Variants in BID observed in about 807,000 individuals in gnomAD.
BID encodes the protein BH3 interacting domain death agonist.
Under a neutral mutation model 17.4 loss-of-function variants are expected in BID, and 19 were observed. The observed-to-expected ratio is 1.09, with a 90% confidence interval of 0.76 to 1.60. The LOEUF is 1.60. Ranked by LOEUF, BID falls within the 40% of genes most tolerant of loss-of-function variation. The probability of loss-of-function intolerance (pLI) is 0.00; values close to 1 mark genes in which losing one functional copy is unlikely to be tolerated. For missense variants in BID, 226 were observed against 256.0 expected (o/e 0.88, Z 0.80); for synonymous variants, 108 against 102.8 (o/e 1.05, Z -0.31).
chr22:17,767,146 C>A (rs1343744941), intron 1 of BID, among the ~76,000 whole-genome samples: 3 of 151,656 alleles, frequency 2.0e-5, no homozygotes, highest in Non-Finnish European at 4.4e-5. Context: ...ATCTCTTGAA[C>A]CCAGGAGGCA....
Position 17,734,540 on chromosome 22 carries a change from C to CTTA in BID, c.*1037_*1039dup, listed in dbSNP as rs928770464. The CTTA allele has an allele frequency of 6.6e-6, 1 of 152,188 alleles. No individual in the cohort carries two copies. The highest frequency in any genetic ancestry group is 2.4e-5 in the African/African-American group (1 of 41,434). The allele number at this position is 152,188 out of a possible 1,614,324, so 9.4% of individuals were successfully genotyped here. ...CACTGTTTCTAAAGCTAAGCTTTTCCTTATTTATTTTGGTACTACCTAAGT... is the reference window on the plus strand; with the variant it reads ...CACTGTTTCTAAAGCTAAGCTTTTCCTTATTATTTATTTTGGTACTACCTAAGT... On this transcript the variant is annotated 3_prime_UTR_variant, in exon 6 of 6. Transcript: ENST00000622694.
intron 1 of BID, among the ~76,000 whole-genome samples, chr22:17,756,399 T>TTTCC (rs2061583678): frequency 3.3e-5 from 1 of 30,020 alleles, no homozygotes; most frequent in Non-Finnish European, 7.7e-5. Flanking sequence ...TCTTTCTTTC[T>TTTCC]TTTCTTTTTT....
chr22:17,743,969 T>G lies in BID; in HGVS notation c.57A>C (p.Leu19=), dbSNP rs778365897. The G allele has an allele frequency of 6.2e-7, 1 of 1,613,838 alleles. No homozygotes were observed. The highest frequency in any genetic ancestry group is 2.2e-5 in the East Asian group (1 of 44,882). ...AGCTTTGGAGGAAGCCAAACACCAG[T>G]AGGTTTGTGATGCACTCATCCCTGA... The part of the protein sequence containing the change: ...SSLRDECITN[L]LVFGFLQSCS... The change falls in exon 3 of 6, where the codon CTA becomes CTC. Residue 19 remains leucine (L), a synonymous_variant. Coordinates refer to ENST00000622694, the MANE Select transcript of BID (RefSeq NM_001196.4).
Position 17,769,512 on chromosome 22 carries a change from G to A in BID, c.-59+4869C>T, listed in dbSNP as rs755139002. On this transcript the variant is annotated intron_variant, in intron 1 of 5. Coordinates refer to ENST00000622694, the MANE Select transcript of BID (RefSeq NM_001196.4). This position sits in a 1 kb window ranked among gnomAD's most constrained non-coding sequence, Gnocchi z 4.8. ...AAACAGGAACGGACGTGGCCATCAG[G>A]CCGGAAGGGTGTGTGGGCCACAGAG... Among the ~76,000 whole-genome samples the A allele has an allele frequency of 7.2e-5, 11 of 152,236 alleles. No individual in the cohort carries two copies. Among genetic ancestry groups the A allele is most frequent in the Admixed American group, 2.0e-4 (3 of 15,282 alleles).
At chr22:17,763,923 AAGC>A (rs912449290) in intron 1 of BID, among the ~76,000 whole-genome samples, 14 of 152,114 alleles carry the variant, frequency 9.2e-5, no homozygotes, top group African/African-American at 2.9e-4. Context: ...AAAAAATCAA[AAGC>A]AGACATGTTT....
At chr22:17,763,624 CAT>C (rs200746449) in intron 1 of BID, among the ~76,000 whole-genome samples, 1,967 of 152,140 alleles carry the variant, frequency 0.013, 40 homozygotes, top group African/African-American at 0.045. Flanking sequence ...TCTCCAGACA[CAT>C]GTTTAGCAGA....
chr22:17,736,873 G>A (rs1416044681), intron 5 of BID, among the ~76,000 whole-genome samples: 3 of 151,790 alleles, frequency 2.0e-5, no homozygotes, highest in South Asian at 4.2e-4. Context: ...GCGTGATTGC[G>A]GCTCACTGCA....
intron 1 of BID, chr22:17,774,001 G>A: frequency 2.1e-6 from 1 of 475,676 alleles, no homozygotes. Context: ...ACCCGGCCAG[G>A]CCCGCGGGTT....
rs55838099 is a variant in BID, at chr22:17,769,042, AAAATAAATAAATAAAT to A, written c.-59+5323_-59+5338del. The stretch of plus-strand genomic sequence containing the variant: ...GGGCGACAGAGTGAGACTCGTCTCA[AAAATAAATAAATAAAT>A]AAATAAATAAATAAATAATAACTAA... On this transcript the variant is annotated intron_variant, in intron 1 of 5. Transcript: ENST00000622694. This position sits in a 1 kb window ranked among gnomAD's most constrained non-coding sequence, Gnocchi z 4.8. 3.4e-5 allele frequency among the ~76,000 whole-genome samples: 5 copies of A among 148,780 alleles called. No individual in the cohort carries two copies. The East Asian group carries it at 5.9e-4, about 18-fold the overall frequency.
chr22:17,737,574 G>A (rs1207925612), intron 5 of BID, among the ~76,000 whole-genome samples: 1 of 152,148 alleles, frequency 6.6e-6, no homozygotes, highest in Admixed American at 6.5e-5. Flanking sequence ...TGGAACTCCT[G>A]ACCTCAGGTG....
chr22:17,768,368 C>T (rs2061693452), intron 1 of BID, among the ~76,000 whole-genome samples: 1 of 152,234 alleles, frequency 6.6e-6, no homozygotes, highest in South Asian at 2.1e-4. Flanking sequence ...GAGGCTCCAC[C>T]ACAGGCCCCA....
Position 17,738,131 on chromosome 22 carries a change from C to G in BID, c.462G>C (p.Leu154=), listed in dbSNP as rs200732958. The G allele has an allele frequency of 2.2e-5, 36 of 1,613,914 alleles. No homozygotes were observed. Among genetic ancestry groups the G allele is most frequent in the Non-Finnish European group, 3.1e-5 (36 of 1,180,028 alleles). Residue 154 remains leucine, a synonymous_variant, in exon 5 of 6, where the codon CTG becomes CTC. Transcript: ENST00000622694. ...KEKTMLVLAL[L]LAKKVASHTP... is the part of the protein sequence containing the mutation. ...TGTGACTGGCCACCTTCTTGGCCAG[C>G]AGCAGGGCCAGCACCAGCATGGTCT...
At chr22:17,771,124 G>A (rs1432001660) in intron 1 of BID, among the ~76,000 whole-genome samples, 1 of 152,010 alleles carries the variant, frequency 6.6e-6, no homozygotes, top group Non-Finnish European at 1.5e-5. Flanking sequence ...TTTTGAGACG[G>A]AGTCTCGCTC....
intron 1 of BID, among the ~76,000 whole-genome samples, chr22:17,758,165 G>T (rs143899088): frequency 6.6e-6 from 1 of 152,304 alleles, no homozygotes; most frequent in Non-Finnish European, 1.5e-5. Flanking sequence ...GTCCCTCAAA[G>T]AGCTTAAGTT....
chr22:17,758,462 T>C (rs1470565482), intron 1 of BID, among the ~76,000 whole-genome samples: 1 of 152,214 alleles, frequency 6.6e-6, no homozygotes. Flanking sequence ...GGTATTACGC[T>C]GAAGAACTGA....
At chr22:17,748,368 C>T (rs1264563418) in intron 2 of BID, among the ~76,000 whole-genome samples, 3 of 150,552 alleles carry the variant, frequency 2.0e-5, no homozygotes, top group South Asian at 2.1e-4. Flanking sequence ...ATGAGCCGGG[C>T]GTGGTGGCGG....
chr22:17,762,645 G>A (rs1264941397), intron 1 of BID, among the ~76,000 whole-genome samples: 2 of 151,782 alleles, frequency 1.3e-5, no homozygotes, highest in Non-Finnish European at 2.9e-5. Context: ...CAAACTCCTG[G>A]GCTCAAGTGA....
chr22:17,754,854 T>C (rs2061569675), intron 1 of BID, among the ~76,000 whole-genome samples: 1 of 152,116 alleles, frequency 6.6e-6, no homozygotes, highest in South Asian at 2.1e-4. Flanking sequence ...AACCTCCGCC[T>C]CCCAGATTCT....
chr22:17,760,798 G>A (rs1030912456), intron 1 of BID, among the ~76,000 whole-genome samples: 1 of 152,150 alleles, frequency 6.6e-6, no homozygotes, highest in Non-Finnish European at 1.5e-5. Flanking sequence ...CCCACATGGG[G>A]AACATCAGCA....
Sources: gnomAD v4.1 joint callset for allele counts (sites outside exome capture counted in the v4.1 genomes callset) on GRCh38, gnomAD v4.1.1 for gene constraint, Gnocchi (gnomAD v3.1) non-coding constraint, MANE v1.5 for transcripts, NCBI Gene and HGNC (gene_info 2026-07-23, HGNC 2026-07-21) for gene names.